COMMD10: variants seen among roughly 807,000 people sequenced by gnomAD.
COMMD10 encodes COMM domain-containing protein 10.
Under a neutral mutation model 28.9 loss-of-function variants are expected in COMMD10, and 33 were observed. That is an observed-to-expected ratio of 1.14 (90% CI 0.87 to 1.53). The LOEUF (loss-of-function observed/expected upper bound fraction) is 1.53. Among genes scored for constraint, COMMD10 ranks in the 40% most tolerant of loss-of-function variants. The pLI, the probability that COMMD10 is intolerant of heterozygous loss-of-function variation, is 0.00. For synonymous variants in COMMD10, 110 were observed against 81.7 expected, an observed-to-expected ratio of 1.35 and a Z score of -1.87; for missense variants, 310 against 233.4, an observed-to-expected ratio of 1.33 and a Z score of -2.14.
intron 5 of COMMD10, among the ~76,000 whole-genome samples, chr5:116,137,779 T>G (rs1211393598): frequency 6.6e-6 from 1 of 152,038 alleles, no homozygotes; most frequent in African/African-American, 2.4e-5. Context: ...CACTTCTGTC[T>G]CGAGGCTTTC....
intron 5 of COMMD10, among the ~76,000 whole-genome samples, chr5:116,164,028 A>C (rs7716974): frequency 0.015 from 2,290 of 152,142 alleles, 62 homozygotes; most frequent in African/African-American, 0.052. Flanking sequence ...TCAATATAAC[A>C]CTCTGAGGCC....
intron 5 of COMMD10, among the ~76,000 whole-genome samples, chr5:116,203,323 A>G (rs11951083): frequency 0.11 from 16,893 of 152,054 alleles, 1,352 homozygotes; most frequent in African/African-American, 0.22. Context: ...TCTGCAGGAT[A>G]TTGTCCAGGA....
chr5:116,268,986 T>C (rs1035711636), intron 5 of COMMD10, among the ~76,000 whole-genome samples: 7 of 151,646 alleles, frequency 4.6e-5, no homozygotes, highest in African/African-American at 1.5e-4. Flanking sequence ...TTAGGAGATA[T>C]ACCTAATGTA....
intron 5 of COMMD10, among the ~76,000 whole-genome samples, chr5:116,187,303 A>G (rs1015234429): frequency 6.6e-6 from 1 of 152,174 alleles, no homozygotes; most frequent in African/African-American, 2.4e-5. Context: ...TAATGAACAT[A>G]CAAATGAATA....
intron 5 of COMMD10, among the ~76,000 whole-genome samples, chr5:116,226,382 A>T (rs1319702696): frequency 1.3e-5 from 2 of 150,970 alleles, no homozygotes; most frequent in Admixed American, 6.6e-5. Flanking sequence ...AACTCTTCCA[A>T]ATTTGTAAGT....
chr5:116,273,846 C>T (rs1750824716), intron 5 of COMMD10, among the ~76,000 whole-genome samples: 1 of 151,550 alleles, frequency 6.6e-6, no homozygotes, highest in Non-Finnish European at 1.5e-5. Context: ...CTAAAGTCAT[C>T]ATTCAAAAAA....
intron 4 of COMMD10, among the ~76,000 whole-genome samples, chr5:116,113,270 T>C (rs1751117781): frequency 6.6e-6 from 1 of 152,074 alleles, no homozygotes; most frequent in Non-Finnish European, 1.5e-5. Flanking sequence ...TAGACACTCA[T>C]TATAATATGT....
At chr5:116,251,283 TTTATTTA>T (rs1392596030) in intron 5 of COMMD10, among the ~76,000 whole-genome samples, 4 of 148,212 alleles carry the variant, frequency 2.7e-5, no homozygotes, top group African/African-American at 9.8e-5. Context: ...TATTTATTTA[TTTATTTA>T]TTTATTTATT....
At chr5:116,206,176 C>T (rs978501503) in intron 5 of COMMD10, among the ~76,000 whole-genome samples, 15 of 152,172 alleles carry the variant, frequency 9.9e-5, no homozygotes, top group Non-Finnish European at 2.2e-4. Flanking sequence ...TCACAAAATT[C>T]ATGAAGGAAA....
At chr5:116,235,999 C>A (rs563895959) in intron 5 of COMMD10, among the ~76,000 whole-genome samples, 1 of 152,176 alleles carries the variant, frequency 6.6e-6, no homozygotes, top group South Asian at 2.1e-4. Flanking sequence ...TATCTTTGAA[C>A]ACTCTTTTAT....
chr5:116,129,072 C>T (rs1751763627), intron 4 of COMMD10, among the ~76,000 whole-genome samples: 1 of 151,764 alleles, frequency 6.6e-6, no homozygotes, highest in East Asian at 1.9e-4. Context: ...CATACAATTC[C>T]ACGTGAGACT....
intron 4 of COMMD10, among the ~76,000 whole-genome samples, chr5:116,108,726 G>C (rs866147296): frequency 6.5e-5 from 7 of 107,318 alleles, no homozygotes; most frequent in Middle Eastern, 4.7e-3. Flanking sequence ...GGTGCCATTG[G>C]GGTATGAAAA....
At chr5:116,291,456 GA>G in intron 5 of COMMD10, 60 bp from the exon 6 acceptor site, 1 of 1,187,670 alleles carries the variant, frequency 8.4e-7, no homozygotes, top group South Asian at 1.3e-5. Flanking sequence ...TAGCTGGAGA[GA>G]AAAAATGTGA....
At chr5:116,154,869 A>C (rs1752655640) in intron 5 of COMMD10, among the ~76,000 whole-genome samples, 1 of 151,968 alleles carries the variant, frequency 6.6e-6, no homozygotes, top group Non-Finnish European at 1.5e-5. Context: ...AAAGGTAATA[A>C]TCTCAGAGAC....
At chr5:116,135,784 A>G (rs1020397903) in intron 5 of COMMD10, among the ~76,000 whole-genome samples, 7 of 152,200 alleles carry the variant, frequency 4.6e-5, no homozygotes, top group African/African-American at 1.7e-4. Flanking sequence ...AGTACTATCC[A>G]TGGTTTCAGG....
chr5:116,254,558 C>A (rs540452621), intron 5 of COMMD10, among the ~76,000 whole-genome samples: 3 of 151,026 alleles, frequency 2.0e-5, no homozygotes. Context: ...GTTATGTACC[C>A]AGTAGTCATT....
At chr5:116,290,379 T>TTCGA (rs1554062275) in intron 5 of COMMD10, among the ~76,000 whole-genome samples, 1 of 151,036 alleles carries the variant, frequency 6.6e-6, no homozygotes, top group African/African-American at 2.5e-5. Flanking sequence ...GCTTAAGTAC[T>TTCGA]TAGATATATG....
intron 4 of COMMD10, among the ~76,000 whole-genome samples, chr5:116,130,213 G>T (rs7722829): frequency 0.82 from 124,439 of 151,682 alleles, 51,195 homozygotes; most frequent in African/African-American, 0.84. Context: ...TACTGTATGC[G>T]GGACATTATT....
chr5:116,085,317 G>T (rs17138850), intron 1 of COMMD10: 49,795 of 560,672 alleles, frequency 0.089, 3,243 homozygotes, highest in African/African-American at 0.25. Flanking sequence ...CTCACAGTGC[G>T]CCTGGCAGCT....
Sources: allele counts gnomAD v4.1 joint callset (sites outside exome capture counted in the v4.1 genomes callset), GRCh38; gene constraint gnomAD v4.1.1; transcripts MANE v1.5; gene names NCBI Gene and HGNC (gene_info 2026-07-23, HGNC 2026-07-21).